NUDCD3: variants seen among roughly 807,000 people sequenced by gnomAD.
NUDCD3 encodes the protein nudC domain-containing protein 3.
Under a neutral mutation model 39.7 loss-of-function variants are expected in NUDCD3, and 13 were observed. The ratio of observed to expected loss-of-function variants is 0.33; its 90% CI spans 0.21 to 0.52. The LOEUF (loss-of-function observed/expected upper bound fraction) is 0.52. Among genes scored for constraint, NUDCD3 ranks in the 20% least tolerant of loss-of-function variants. The pLI is 0.96. For synonymous variants in NUDCD3, 175 were observed against 172.4 expected, an observed-to-expected ratio of 1.02 and a Z score of -0.12; for missense variants, 453 against 458.1, an observed-to-expected ratio of 0.99 and a Z score of 0.10.
intron 1 of NUDCD3, 65 bp downstream of exon 1, chr7:44,490,344 G>C: frequency 7.2e-7 from 1 of 1,396,858 alleles, no homozygotes; most frequent in Non-Finnish European, 9.4e-7. Context: ...TTGGAGGAGC[G>C]GGCGCCAGGA....
At position 44,485,237 on chromosome 7, in the gene NUDCD3, T is replaced by C; in HGVS notation, c.240A>G (p.Arg80=). The C allele has an allele frequency of 5.0e-6, 8 of 1,614,072 alleles. No individual in the cohort carries two copies. The highest frequency in any genetic ancestry group is 6.8e-6 in the Non-Finnish European group (8 of 1,179,968). Residue 80 remains arginine, a synonymous_variant, in exon 2 of 6, where the codon AGA becomes AGG. Coordinates refer to ENST00000355451, the MANE Select transcript of NUDCD3 (RefSeq NM_015332.4). ...TGATTTTCTCTTCAAGTTCCTGCCT[T>C]CTCTTCTCATCATCCTGACGGGCCA... ...DHMARQDDEK[R]RQELEEKIRR...
At chr7:44,391,843 C>T (rs1798522557) in intron 5 of NUDCD3, among the ~76,000 whole-genome samples, 1 of 152,236 alleles carries the variant, frequency 6.6e-6, no homozygotes. Context: ...CCCTAACCCA[C>T]TGCTGACATC....
intron 2 of NUDCD3, among the ~76,000 whole-genome samples, chr7:44,450,501 C>T (rs1799774088): frequency 6.6e-6 from 1 of 151,828 alleles, no homozygotes; most frequent in South Asian, 2.1e-4. Context: ...ATTTAAAACA[C>T]CAAATGCTGG....
chr7:44,387,467 C>G (rs1157831659), intron 5 of NUDCD3, among the ~76,000 whole-genome samples: 2 of 152,216 alleles, frequency 1.3e-5, no homozygotes, highest in African/African-American at 4.8e-5. Context: ...ATTTTGAGAA[C>G]AAGTGCTGCA....
At chr7:44,449,990 C>T (rs1799764296) in intron 2 of NUDCD3, among the ~76,000 whole-genome samples, 1 of 151,954 alleles carries the variant, frequency 6.6e-6, no homozygotes, top group Non-Finnish European at 1.5e-5. Flanking sequence ...TGATAAAGTA[C>T]TCAGATCCAG....
intron 1 of NUDCD3, among the ~76,000 whole-genome samples, chr7:44,487,909 C>T (rs1244274719): frequency 2.6e-5 from 4 of 151,080 alleles, no homozygotes; most frequent in East Asian, 2.0e-4. Context: ...GCCAAGATTG[C>T]GCCACTGCAC....
intron 1 of NUDCD3, among the ~76,000 whole-genome samples, chr7:44,488,827 G>A (rs55918463): frequency 0.13 from 19,538 of 152,128 alleles, 1,668 homozygotes; most frequent in Non-Finnish European, 0.19. Flanking sequence ...TGTAAGAGGT[G>A]TTACCAGGTA....
Position 44,380,529 on chromosome 7 carries a change from G to C in NUDCD3, c.*5482C>G, listed in dbSNP as rs1715115844. The C allele has an allele frequency of 6.6e-6, 1 of 152,248 alleles. No homozygotes were observed. Among genetic ancestry groups the C allele is most frequent in the South Asian group, 2.1e-4 (1 of 4,828 alleles). 9.4% of individuals were successfully genotyped at this position (152,248 alleles called of 1,614,324 possible). A position where few individuals can be genotyped will look rare whatever the true frequency, so the allele number is the denominator to read the frequency against. On this transcript the variant is annotated 3_prime_UTR_variant, in exon 6 of 6. Transcript: ENST00000355451. ...CCCTGACAGGTACCTGGGTTTCCCA[G>C]CCTTTGATGACCCCAAACGCTGTCT...
intron 4 of NUDCD3, among the ~76,000 whole-genome samples, chr7:44,396,042 T>C (rs942617585): frequency 3.3e-5 from 5 of 152,108 alleles, no homozygotes; most frequent in Admixed American, 3.3e-4. Context: ...CGGCATACAA[T>C]GGCTCCAGTT....
chr7:44,442,994 A>G (rs1388483285), intron 2 of NUDCD3, among the ~76,000 whole-genome samples: 2 of 152,064 alleles, frequency 1.3e-5, no homozygotes, highest in Non-Finnish European at 2.9e-5. Context: ...GAGCCACCGC[A>G]CCTGGCCTCC....
rs984505192 is a variant in NUDCD3, at chr7:44,401,560, G to T, written c.786+2880C>A. On this transcript the variant is annotated intron_variant, in intron 4 of 5. Coordinates refer to ENST00000355451, the MANE Select transcript of NUDCD3 (RefSeq NM_015332.4). ...GGTACTTGATTTCTCACAGGTGAAG[G>T]TGCATTAGGAACGCAATGCCATCTA... is the stretch of plus-strand genomic sequence containing the variant. 6.6e-5 allele frequency among the ~76,000 whole-genome samples: 10 copies of T among 152,270 alleles called. 1 individual carries two copies. Among genetic ancestry groups the T allele is most frequent in the East Asian group, 5.8e-4 (3 of 5,174 alleles).
intron 2 of NUDCD3, among the ~76,000 whole-genome samples, chr7:44,479,908 T>C (rs1204372574): frequency 6.6e-6 from 1 of 152,204 alleles, no homozygotes; most frequent in African/African-American, 2.4e-5. Context: ...GCTAAAACAC[T>C]ACATTTCAGG....
chr7:44,453,828 GAGCCC>G (rs1799839964), intron 2 of NUDCD3, among the ~76,000 whole-genome samples: 1 of 152,136 alleles, frequency 6.6e-6, no homozygotes, highest in Non-Finnish European at 1.5e-5. Flanking sequence ...AGGATTGCTT[GAGCCC>G]AGGAGTTCAA....
At chr7:44,440,010 CAAATAATTT>C (rs1460657195) in intron 2 of NUDCD3, among the ~76,000 whole-genome samples, 1 of 152,152 alleles carries the variant, frequency 6.6e-6, no homozygotes, top group Non-Finnish European at 1.5e-5. Flanking sequence ...AAGAATTTAA[CAAATAATTT>C]GAAACTCCTC....
chr7:44,479,989 T>C (rs1009761536), intron 2 of NUDCD3, among the ~76,000 whole-genome samples: 1 of 152,230 alleles, frequency 6.6e-6, no homozygotes, highest in Non-Finnish European at 1.5e-5. Context: ...CTGAGAATGT[T>C]CCAGTCCTTG....
rs530066293 is a variant in NUDCD3 at position 44,426,147 on chromosome 7, C to G, written c.642+1424G>C. ...TGGATGGGGCTTCAATGGGTCTCAC[C>G]CATGACCTGATGTAGTTTAAAGGGG... On this transcript the variant is annotated intron_variant, in intron 3 of 5. Transcript: ENST00000355451. The G allele has an allele frequency of 5.2e-5, 51 of 985,438 alleles. 1 individual carries two copies. Among genetic ancestry groups the G allele is most frequent in the Admixed American group, 1.8e-4 (3 of 16,282 alleles). 61.0% of individuals were successfully genotyped at this position (985,438 alleles called of 1,614,324 possible).
At chr7:44,489,158 G>C (rs1323036617) in intron 1 of NUDCD3, among the ~76,000 whole-genome samples, 1 of 152,212 alleles carries the variant, frequency 6.6e-6, no homozygotes, top group East Asian at 1.9e-4. Flanking sequence ...TAACCTTGCT[G>C]AATTGGTACG....
chr7:44,435,485 T>C (rs1799447528), intron 2 of NUDCD3, among the ~76,000 whole-genome samples: 1 of 152,208 alleles, frequency 6.6e-6, no homozygotes, highest in Non-Finnish European at 1.5e-5. Flanking sequence ...GAAAAATCCA[T>C]GAGTTCATAA....
chr7:44,387,625 A>C (rs1009475728), intron 5 of NUDCD3, among the ~76,000 whole-genome samples: 2 of 152,156 alleles, frequency 1.3e-5, no homozygotes, highest in African/African-American at 4.8e-5. Context: ...TGTAGGGCAA[A>C]TGACACCTGT....
Sources: gnomAD v4.1 joint callset for allele counts (sites outside exome capture counted in the v4.1 genomes callset) on GRCh38, gnomAD v4.1.1 for gene constraint, MANE v1.5 for transcripts, NCBI Gene and HGNC (gene_info 2026-07-23, HGNC 2026-07-21) for gene names.